Variants in RNF31 observed in about 807,000 individuals in gnomAD.
RNF31 encodes E3 ubiquitin-protein ligase RNF31.
RNF31 carries 38 observed loss-of-function variants against 133.6 expected under a neutral mutation model. The observed-to-expected ratio is 0.28, with a 90% CI of 0.22 to 0.37. The LOEUF (loss-of-function observed/expected upper bound fraction) is 0.37, where lower values mean the gene tolerates loss of function less well. Among genes scored for constraint, RNF31 ranks in the 10% least tolerant of loss-of-function variants. The probability of loss-of-function intolerance (pLI) is 1.00; values close to 1 mark genes in which losing one functional copy is unlikely to be tolerated. For synonymous variants in RNF31, 582 were observed against 552.3 expected, an observed-to-expected ratio of 1.05 and a Z score of -0.75; for missense variants, 1,118 against 1,394.1, an observed-to-expected ratio of 0.80 and a Z score of 3.15.
chr14:24,153,687 T>C (rs1426433475), intron 11 of RNF31, among the ~76,000 whole-genome samples: 3 of 152,042 alleles, frequency 2.0e-5, no homozygotes, highest in African/African-American at 2.4e-5. Flanking sequence ...GTGGATCACC[T>C]GAGGTCAGGA....
intron 18 of RNF31, among the ~76,000 whole-genome samples, chr14:24,158,989 C>T (rs1363314701): frequency 1.4e-5 from 2 of 139,932 alleles, no homozygotes; most frequent in African/African-American, 2.7e-5. Flanking sequence ...GCAGAGATGG[C>T]GCCACCGCAC....
intron 18 of RNF31, among the ~76,000 whole-genome samples, chr14:24,159,372 A>C (rs1211320105): frequency 6.7e-6 from 1 of 149,500 alleles, no homozygotes; most frequent in East Asian, 1.9e-4. Context: ...AAAAAAAAAA[A>C]CCAGAGGTAG....
rs1594386905 is a variant in RNF31, at chr14:24,160,467, C to T, written c.3166-53C>T. The T allele has an allele frequency of 1.3e-6, 2 of 1,582,884 alleles. No homozygotes were observed. Among genetic ancestry groups the T allele is most frequent in the East Asian group, 4.5e-5 (2 of 44,318 alleles). Reference sequence around the variant, plus strand: ...CCCTACAGAAGTCACCTGGTGCTGACTGTGTCTGAGCTCCAGGCTTCCAAT... The same window carrying T: ...CCCTACAGAAGTCACCTGGTGCTGATTGTGTCTGAGCTCCAGGCTTCCAAT... On this transcript the variant is annotated intron_variant, in intron 20 of 20. Transcript: ENST00000324103. The surrounding 1 kb of genome is among the most constrained non-coding windows in gnomAD (Gnocchi z 4.0).
At chr14:24,158,304 C>T (rs1388379603) in intron 18 of RNF31, 105 bp downstream of exon 18, 1 of 1,092,412 alleles carries the variant, frequency 9.2e-7, no homozygotes, top group Non-Finnish European at 1.4e-6. Flanking sequence ...GTTGCATGCC[C>T]TTTGGCAAGT....
chr14:24,150,475 G>A (rs374525849), intron 7 of RNF31, 27 bp downstream of exon 7: 26 of 1,592,042 alleles, frequency 1.6e-5, no homozygotes, highest in East Asian at 2.2e-5. Flanking sequence ...GCTCTTTATC[G>A]TGTGTTACCT....
At position 24,160,299 on chromosome 14, in the gene RNF31, C is replaced by T. The variant is rs888382975; in HGVS notation, c.3057C>T (p.Thr1019=). 1.9e-6 allele frequency: 3 copies of T among 1,614,182 alleles called. No individual in the cohort carries two copies. Among genetic ancestry groups the T allele is most frequent in the Non-Finnish European group, 2.5e-6 (3 of 1,180,028 alleles). Residue 1019 remains threonine, a synonymous_variant, in exon 20 of 21, where the codon ACC becomes ACT. Coordinates refer to ENST00000324103, the MANE Select transcript of RNF31 (RefSeq NM_017999.5). The surrounding 1 kb of genome is among the most constrained non-coding windows in gnomAD (Gnocchi z 4.0). The part of the protein sequence containing the change: ...LINAHSLDPA[T]LYEVEELETA... ...ATGCCCACTCGCTGGACCCAGCCAC[C>T]TTGTATGAGGTGGAAGAGCTGGAGA...
At chr14:24,154,873 A>C in intron 11 of RNF31, 1 of 439,794 alleles carries the variant, frequency 2.3e-6, no homozygotes, top group Non-Finnish European at 4.1e-6. Flanking sequence ...CCACCTCTAT[A>C]GTTTTGTCAT....
In RNF31 at chr14:24,160,339, T is replaced by C. The variant is rs755069920; in HGVS notation, c.3097T>C (p.Tyr1033His). Residue 1033 changes from tyrosine to histidine, a missense_variant, in exon 20 of 21, where the codon TAC (tyrosine) becomes CAC (histidine). Around this residue, in one of 3 missense-constraint regions of RNF31, gnomAD observed 170 missense variants for 194.5 expected, o/e 0.87. Transcript: ENST00000324103. This position sits in a 1 kb window ranked among gnomAD's most constrained non-coding sequence, Gnocchi z 4.0. ...VEELETATER[Y>H]LHVRPQPLAG... ...AGAGCTGGAGACGGCCACTGAGCGCTACCTGCACGTACGCCCCCAGCCTTT... is the reference window on the plus strand; with the variant it reads ...AGAGCTGGAGACGGCCACTGAGCGCCACCTGCACGTACGCCCCCAGCCTTT... 29 of 1,614,090 alleles carry C rather than the reference T, an allele frequency of 1.8e-5. No homozygotes were observed. The Admixed American group carries it at 4.8e-4, about 27-fold the overall frequency.
chr14:24,160,326 G>A lies in RNF31; in HGVS notation c.3084G>A (p.Thr1028=), dbSNP rs780288286. The A allele has an allele frequency of 1.5e-5, 24 of 1,614,048 alleles. No individual in the cohort carries two copies. The highest frequency in any genetic ancestry group is 3.3e-5 in the South Asian group (3 of 91,090). The change falls in exon 20 of 21, where the codon ACG becomes ACA. Residue 1028 remains threonine (T), a synonymous_variant. Coordinates refer to ENST00000324103, the MANE Select transcript of RNF31 (RefSeq NM_017999.5). This position sits in a 1 kb window ranked among gnomAD's most constrained non-coding sequence, Gnocchi z 4.0. ...TGTATGAGGTGGAAGAGCTGGAGAC[G>A]GCCACTGAGCGCTACCTGCACGTAC... ...ATLYEVEELE[T]ATERYLHVRP... is the part of the protein sequence containing the mutation.
At chr14:24,159,738 A>G (rs2038416458) in intron 18 of RNF31, 126 bp from the exon 19 acceptor site, 2 of 719,552 alleles carry the variant, frequency 2.8e-6, no homozygotes, top group Non-Finnish European at 4.8e-6. Context: ...ACCACTGGGA[A>G]AGCAGGAGTT....
In RNF31 at chr14:24,149,458, C is replaced by T. The variant is rs535613393; in HGVS notation, c.684C>T (p.His228=). 53 of 1,614,224 alleles carry T rather than the reference C, an allele frequency of 3.3e-5. No individual in the cohort carries two copies. The highest frequency in any genetic ancestry group is 6.7e-5 in the Admixed American group (4 of 60,026). The change falls in exon 6 of 21, where the codon CAC becomes CAT. Residue 228 remains histidine, a synonymous_variant. Coordinates refer to ENST00000324103, the MANE Select transcript of RNF31 (RefSeq NM_017999.5). ...FLCGSAPGTL[H]CPSCKQALCP... is the part of the protein sequence containing the mutation. ...GTGGTTCTGCCCCAGGCACACTGCA[C>T]TGCCCATCCTGTAAACAGGCCCTGT...
At chr14:24,147,169 C>G (rs949219678), upstream of RNF31, 1 of 161,860 alleles carries the variant, frequency 6.2e-6, no homozygotes, top group East Asian at 1.9e-4. Flanking sequence ...AGTCGGTTCC[C>G]CTGCAGGGTG....
Position 24,150,270 on chromosome 14 carries a change from A to C in RNF31, c.1019A>C (p.Gln340Pro). ...KGLGLGTEGP[Q>P]GTGGLEPDLA... Reference sequence around the variant, plus strand: ...TTGGGGTTGGGAACTGAGGGTCCCCAAGGAACTGGAGGCCTAGAACCTGAT... The same window carrying C: ...TTGGGGTTGGGAACTGAGGGTCCCCCAGGAACTGGAGGCCTAGAACCTGAT... The change falls in exon 7 of 21, where the codon CAA (glutamine) becomes CCA (proline). Residue 340 changes from glutamine (Q) to proline (P), a missense_variant. Transcript: ENST00000324103. 1 of 1,614,088 alleles carries C rather than the reference A, an allele frequency of 6.2e-7. No homozygotes were observed. The highest frequency in any genetic ancestry group is 1.1e-5 in the South Asian group (1 of 91,062).
At chr14:24,147,432 C>T (rs1457618406), upstream of RNF31, 2 of 339,584 alleles carry the variant, frequency 5.9e-6, no homozygotes, top group Non-Finnish European at 1.1e-5. Context: ...TTCCTGACAC[C>T]GCTCCAACCT....
At chr14:24,159,758 G>C (rs575919204) in intron 18 of RNF31, 106 bp from the exon 19 acceptor site, 21 of 847,886 alleles carry the variant, frequency 2.5e-5, no homozygotes, top group African/African-American at 5.0e-5. Context: ...TGCTGTGCTC[G>C]GTCCCTTCCT....
chr14:24,149,930 T>C, intron 6 of RNF31, 131 bp from the exon 7 acceptor site: 1 of 1,093,056 alleles, frequency 9.1e-7, no homozygotes, highest in Non-Finnish European at 1.3e-6. Context: ...GGTATAGGAG[T>C]ATTCGAGACA....
intron 11 of RNF31, among the ~76,000 whole-genome samples, chr14:24,154,641 C>T (rs1170077466): frequency 6.6e-6 from 1 of 152,136 alleles, no homozygotes; most frequent in Non-Finnish European, 1.5e-5. Context: ...GACATTGCTC[C>T]AATGTTAGCT....
At chr14:24,156,471 A>G (rs1484458835) in intron 14 of RNF31, among the ~76,000 whole-genome samples, 1 of 152,058 alleles carries the variant, frequency 6.6e-6, no homozygotes, top group African/African-American at 2.4e-5. Context: ...GCCCAGCCAC[A>G]TTTATCTTTT....
Position 24,155,705 on chromosome 14 carries a change from C to G in RNF31, c.2493+13C>G, listed in dbSNP as rs1201742256. 6.2e-7 allele frequency: 1 copy of G among 1,611,266 alleles called. No individual in the cohort carries two copies. Among genetic ancestry groups the G allele is most frequent in the East Asian group, 2.2e-5 (1 of 44,868 alleles). On this transcript the variant is annotated intron_variant, in intron 14 of 20. Coordinates refer to ENST00000324103, the MANE Select transcript of RNF31 (RefSeq NM_017999.5). This position sits in a 1 kb window ranked among gnomAD's most constrained non-coding sequence, Gnocchi z 4.9. Reference sequence around the variant, plus strand: ...CTGCAAGCGCCAGGTGAGGCACATTCATCCTTTCAGAAATACTTGCTGAGC... The same window carrying G: ...CTGCAAGCGCCAGGTGAGGCACATTGATCCTTTCAGAAATACTTGCTGAGC...
Sources: allele counts gnomAD v4.1 joint callset (sites outside exome capture counted in the v4.1 genomes callset), GRCh38; gene constraint gnomAD v4.1.1; regional missense constraint gnomAD v4.1.1; non-coding constraint Gnocchi (gnomAD v3.1); transcripts MANE v1.5; gene names NCBI Gene and HGNC (gene_info 2026-07-23, HGNC 2026-07-21).